Variants in PPP1R1C observed in about 807,000 individuals in gnomAD.
The protein encoded by PPP1R1C is protein phosphatase 1 regulatory subunit 1C.
PPP1R1C carries 15 observed loss-of-function variants against 17.4 expected under a neutral mutation model. The observed-to-expected ratio is 0.86, with a 90% CI of 0.58 to 1.33. The LOEUF is 1.33. Ranked by LOEUF, PPP1R1C falls within the 40% of genes most tolerant of loss-of-function variation. PPP1R1C has a pLI of 0.00. For synonymous variants in PPP1R1C, 35 were observed against 43.1 expected (o/e 0.81, Z 0.73); for missense variants, 143 against 130.0 (o/e 1.10, Z -0.48).
At chr2:182,065,732 T>A (rs1687966939) in intron 4 of PPP1R1C, among the ~76,000 whole-genome samples, 1 of 151,886 alleles carries the variant, frequency 6.6e-6, no homozygotes, top group South Asian at 2.1e-4. Flanking sequence ...ACCCAGTCTC[T>A]AAAAAAAATT....
downstream of PPP1R1C, among the ~76,000 whole-genome samples, chr2:182,120,049 T>G (rs1020762513): frequency 1.3e-5 from 2 of 152,302 alleles, no homozygotes; most frequent in African/African-American, 4.8e-5. Context: ...GGTCTAACAT[T>G]TAAGTCTTTA....
At chr2:181,969,528 G>C (rs990283827) in intron 1 of PPP1R1C, among the ~76,000 whole-genome samples, 1 of 151,870 alleles carries the variant, frequency 6.6e-6, no homozygotes, top group Non-Finnish European at 1.5e-5. Context: ...TGCTACTTTT[G>C]GAATCCTTTC....
chr2:182,001,071 C>T (rs939841975), intron 2 of PPP1R1C, among the ~76,000 whole-genome samples: 3 of 152,068 alleles, frequency 2.0e-5, no homozygotes, highest in East Asian at 1.9e-4. Context: ...GATGCATAAC[C>T]CATTGGATTA....
chr2:181,989,076 T>C (rs1445996552), intron 2 of PPP1R1C, among the ~76,000 whole-genome samples: 4 of 152,204 alleles, frequency 2.6e-5, no homozygotes, highest in Admixed American at 1.3e-4. Context: ...GTCTTCTCGA[T>C]TTGGGGGTAA....
intron 4 of PPP1R1C, among the ~76,000 whole-genome samples, chr2:182,113,555 C>T (rs1689499783): frequency 6.6e-6 from 1 of 152,156 alleles, no homozygotes; most frequent in Non-Finnish European, 1.5e-5. Flanking sequence ...AACTTCGCCA[C>T]TAGGAATACC....
At chr2:182,031,857 G>T (rs1686851071) in intron 2 of PPP1R1C, among the ~76,000 whole-genome samples, 1 of 152,136 alleles carries the variant, frequency 6.6e-6, no homozygotes, top group Admixed American at 6.6e-5. Flanking sequence ...AAGAAAAAAA[G>T]ATTGATATTC....
At chr2:182,024,381 A>G (rs1213294562) in intron 2 of PPP1R1C, among the ~76,000 whole-genome samples, 1 of 152,178 alleles carries the variant, frequency 6.6e-6, no homozygotes, top group African/African-American at 2.4e-5. Flanking sequence ...AAATTAAAGT[A>G]CTAATTTTTA....
At chr2:181,977,020 C>T (rs1055061340) in intron 2 of PPP1R1C, among the ~76,000 whole-genome samples, 8 of 151,634 alleles carry the variant, frequency 5.3e-5, no homozygotes, top group South Asian at 4.2e-4. Flanking sequence ...TGCCTGTAAT[C>T]CCAGCTACCT....
intron 5 of PPP1R1C, among the ~76,000 whole-genome samples, chr2:182,124,727 A>T (rs958031238): frequency 1.6e-4 from 25 of 152,016 alleles, no homozygotes; most frequent in African/African-American, 6.0e-4. Context: ...AATGCTTGTG[A>T]TTTTTGCAAA....
Position 182,021,321 on chromosome 2 carries a change from CTTTTT to C in PPP1R1C, c.142+33445_142+33449del, listed in dbSNP as rs71008205. Among the ~76,000 whole-genome samples the C allele has an allele frequency of 8.9e-3, 798 of 89,470 alleles. 13 individuals are homozygous for C. The highest frequency in any genetic ancestry group is 0.012 in the Non-Finnish European group (568 of 45,478). 58.7% of individuals were successfully genotyped at this position (89,470 alleles called of 152,430 possible). A position where few individuals can be genotyped will look rare whatever the true frequency, so the allele number is the denominator to read the frequency against. ...TTATGGTTATTCTTTCTCTCTCTCT[CTTTTT>C]TTTTTTTTTTTTTTTTTTTTTTAAT... On this transcript the variant is annotated intron_variant, in intron 2 of 4. Coordinates refer to ENST00000682840, the MANE Select transcript of PPP1R1C (RefSeq NM_001080545.3).
intron 2 of PPP1R1C, among the ~76,000 whole-genome samples, chr2:182,019,659 T>A (rs1250463534): frequency 1.3e-5 from 2 of 152,146 alleles, no homozygotes; most frequent in Non-Finnish European, 2.9e-5. Context: ...TCAGGGAGGT[T>A]AAGTAATGAG....
chr2:182,015,147 C>T (rs1686221332), intron 2 of PPP1R1C, among the ~76,000 whole-genome samples: 1 of 152,116 alleles, frequency 6.6e-6, no homozygotes, highest in Non-Finnish European at 1.5e-5. Context: ...GTATCCCCAC[C>T]CAAATCTCAT....
In PPP1R1C at chr2:182,084,912, T is replaced by C. The variant is rs558079265; in HGVS notation, c.241+21121T>C. Among the ~76,000 whole-genome samples, 19 of 152,276 alleles carry C rather than the reference T, an allele frequency of 1.2e-4. No individual in the cohort carries two copies. In the East Asian group the frequency reaches 3.5e-3, roughly 28 times the overall value. ...CATGAGATGTATTTCCATTTGTTCG[T>C]GTCACCTATAATTTTTTTCAACAGT... On this transcript the variant is annotated intron_variant, in intron 4 of 4. Transcript: ENST00000682840.
intron 2 of PPP1R1C, among the ~76,000 whole-genome samples, chr2:182,059,224 G>A (rs1574418230): frequency 6.6e-6 from 1 of 152,014 alleles, no homozygotes; most frequent in East Asian, 1.9e-4. Flanking sequence ...CAGACTAAGT[G>A]GTCCTTGAGA....
chr2:181,974,948 A>G (rs1211520517), intron 1 of PPP1R1C, among the ~76,000 whole-genome samples: 1 of 152,176 alleles, frequency 6.6e-6, no homozygotes, highest in Non-Finnish European at 1.5e-5. Flanking sequence ...TAAAGGCAGT[A>G]CCCCAAATGC....
intron 4 of PPP1R1C, among the ~76,000 whole-genome samples, chr2:182,074,720 A>G (rs931116702): frequency 1.3e-5 from 2 of 152,210 alleles, no homozygotes; most frequent in Non-Finnish European, 1.5e-5. Flanking sequence ...AATTTTAAGA[A>G]CAGTTTTATT....
At chr2:182,088,152 T>A (rs937813413) in intron 4 of PPP1R1C, among the ~76,000 whole-genome samples, 1 of 152,124 alleles carries the variant, frequency 6.6e-6, no homozygotes, top group Non-Finnish European at 1.5e-5. Context: ...CCATTTCCCA[T>A]CTGCAGACAG....
intron 2 of PPP1R1C, among the ~76,000 whole-genome samples, chr2:182,028,399 C>G (rs1295484757): frequency 2.6e-5 from 4 of 151,392 alleles, no homozygotes; most frequent in African/African-American, 9.7e-5. Flanking sequence ...CCCAGAGATT[C>G]TGGTATGTTG....
At chr2:182,034,429 T>C (rs1388516249) in intron 2 of PPP1R1C, among the ~76,000 whole-genome samples, 1 of 152,070 alleles carries the variant, frequency 6.6e-6, no homozygotes, top group African/African-American at 2.4e-5. Flanking sequence ...GAAAAATATG[T>C]ACAAAAGCCC....
Sources: gnomAD v4.1 joint callset for allele counts (sites outside exome capture counted in the v4.1 genomes callset) on GRCh38, gnomAD v4.1.1 for gene constraint, MANE v1.5 for transcripts, NCBI Gene and HGNC (gene_info 2026-07-23, HGNC 2026-07-21) for gene names.